Variants in OLFM3 observed in about 807,000 individuals in gnomAD.
The protein encoded by OLFM3 is olfactomedin 3, also known as noelin-3.
OLFM3 carries 20 observed loss-of-function variants against 48.6 expected under a neutral mutation model. That is an observed-to-expected ratio of 0.41 (90% CI 0.29 to 0.60). OLFM3 has a LOEUF of 0.60. Among genes scored for constraint, OLFM3 ranks in the 20% least tolerant of loss-of-function variants. The pLI, the probability that OLFM3 is intolerant of heterozygous loss-of-function variation, is 0.28. For missense variants in OLFM3, 437 were observed against 544.3 expected (o/e 0.80, Z 1.96); for synonymous variants, 222 against 198.1 (o/e 1.12, Z -1.01).
chr1:101,937,766 T>C (rs1266433873), intron 1 of OLFM3, among the ~76,000 whole-genome samples: 1 of 152,230 alleles, frequency 6.6e-6, no homozygotes, highest in African/African-American at 2.4e-5. Flanking sequence ...TTACATTTTC[T>C]TCATATCTCA....
rs554357629 is a variant in OLFM3, at chr1:101,985,486, G to T, written c.69+11262C>A. On this transcript the variant is annotated intron_variant, in intron 1 of 5. Coordinates refer to ENST00000370103, the MANE Select transcript of OLFM3 (RefSeq NM_058170.4). ...AAGAAACTTTCTCATAATTATTTCT[G>T]ATTAAAAGTAAACCCAATTTCTTGA... Among the ~76,000 whole-genome samples, 4 of 152,248 alleles carry T rather than the reference G, an allele frequency of 2.6e-5. No homozygotes were observed. The Middle Eastern group carries it at 0.01, about 388-fold the overall frequency.
At chr1:101,886,282 A>G (rs1657756994) in intron 1 of OLFM3, among the ~76,000 whole-genome samples, 1 of 151,984 alleles carries the variant, frequency 6.6e-6, no homozygotes, top group African/African-American at 2.4e-5. Context: ...AAAAAATAAT[A>G]GAAAAGTGGA....
At chr1:101,942,882 T>A (rs1417181180) in intron 1 of OLFM3, among the ~76,000 whole-genome samples, 1 of 152,188 alleles carries the variant, frequency 6.6e-6, no homozygotes, top group Admixed American at 6.6e-5. Context: ...TAGATCATAA[T>A]TTTTTCTTTG....
intron 1 of OLFM3, among the ~76,000 whole-genome samples, chr1:101,933,201 C>CAAAAAAAAAAA (rs761881274): frequency 7.0e-4 from 28 of 40,114 alleles, no homozygotes; most frequent in Non-Finnish European, 1.1e-3. Flanking sequence ...GACTCCATCT[C>CAAAAAAAAAAA]AAAAAAAAAA....
At chr1:101,811,219 G>A (rs77546134) in intron 4 of OLFM3, among the ~76,000 whole-genome samples, 2,715 of 151,980 alleles carry the variant, frequency 0.018, 40 homozygotes, top group Non-Finnish European at 0.025. Context: ...ATTACCAAGC[G>A]GAAACACAAT....
chr1:101,919,960 T>C (rs1365475748), intron 1 of OLFM3, among the ~76,000 whole-genome samples: 5 of 152,218 alleles, frequency 3.3e-5, no homozygotes, highest in East Asian at 1.9e-4. Flanking sequence ...TTCTGGCAGA[T>C]GTTCAGGCCT....
At chr1:101,980,047 G>A (rs1219239741) in intron 1 of OLFM3, among the ~76,000 whole-genome samples, 1 of 152,136 alleles carries the variant, frequency 6.6e-6, no homozygotes, top group Non-Finnish European at 1.5e-5. Context: ...AGGGCCTGTA[G>A]GCCCATTGTT....
At chr1:101,957,097 T>C (rs893768679) in intron 1 of OLFM3, among the ~76,000 whole-genome samples, 1 of 151,954 alleles carries the variant, frequency 6.6e-6, no homozygotes, top group Non-Finnish European at 1.5e-5. Context: ...TCAATCTTTC[T>C]TTTAGTTCCA....
chr1:101,844,151 C>A (rs186522651), intron 1 of OLFM3, among the ~76,000 whole-genome samples: 2 of 152,286 alleles, frequency 1.3e-5, no homozygotes, highest in East Asian at 3.9e-4. Flanking sequence ...GAAGAATCCC[C>A]TAAGCAAAAG....
At chr1:101,983,330 C>T (rs1360983838) in intron 1 of OLFM3, among the ~76,000 whole-genome samples, 1 of 152,078 alleles carries the variant, frequency 6.6e-6, no homozygotes, top group Non-Finnish European at 1.5e-5. Flanking sequence ...GATTCCTGTC[C>T]CCAGGGAACT....
intron 3 of OLFM3, among the ~76,000 whole-genome samples, chr1:101,828,763 T>A (rs970549184): frequency 6.6e-6 from 1 of 152,262 alleles, no homozygotes; most frequent in Admixed American, 6.5e-5. Flanking sequence ...TGAACTCCTC[T>A]CCTCCTGACT....
intron 1 of OLFM3, among the ~76,000 whole-genome samples, chr1:101,967,414 T>C (rs984454587): frequency 3.3e-5 from 5 of 151,512 alleles, no homozygotes; most frequent in Non-Finnish European, 7.4e-5. Context: ...AAAAGTAACA[T>C]AAAAAACAAT....
intron 1 of OLFM3, among the ~76,000 whole-genome samples, chr1:101,888,762 G>A (rs1407211141): frequency 2.0e-5 from 3 of 152,080 alleles, no homozygotes; most frequent in African/African-American, 4.8e-5. Context: ...CTGACAAAGG[G>A]CTAATATCCA....
intron 1 of OLFM3, among the ~76,000 whole-genome samples, chr1:101,913,655 A>ATCAAACCTTAATCCTAAATTTTAG (rs1557728224): frequency 1.3e-5 from 2 of 150,660 alleles, no homozygotes; most frequent in Admixed American, 6.6e-5. Context: ...CCAGAGGCTG[A>ATCAAACCTTAATCCTAAATTTTAG]GTTCAAACCT....
At chr1:101,945,477 G>A (rs1288415112) in intron 1 of OLFM3, among the ~76,000 whole-genome samples, 2 of 152,052 alleles carry the variant, frequency 1.3e-5, no homozygotes, top group Non-Finnish European at 2.9e-5. Flanking sequence ...GCAGGAAGCA[G>A]GTCAGTGGTT....
chr1:101,971,623 A>T (rs940009973), intron 1 of OLFM3, among the ~76,000 whole-genome samples: 2 of 152,200 alleles, frequency 1.3e-5, no homozygotes, highest in African/African-American at 4.8e-5. Context: ...AATTGGGTAT[A>T]TGGTATTGTT....
At chr1:101,942,211 A>T (rs1391872589) in intron 1 of OLFM3, among the ~76,000 whole-genome samples, 1 of 152,208 alleles carries the variant, frequency 6.6e-6, no homozygotes, top group Non-Finnish European at 1.5e-5. Flanking sequence ...ATATACACAT[A>T]TACAAAATTC....
chr1:101,975,503 C>T (rs1005146772), intron 1 of OLFM3, among the ~76,000 whole-genome samples: 1 of 150,936 alleles, frequency 6.6e-6, no homozygotes, highest in African/African-American at 2.4e-5. Flanking sequence ...TGGCTGTATT[C>T]TTTTAAAGGA....
chr1:101,926,472 C>A (rs77511834), intron 1 of OLFM3, among the ~76,000 whole-genome samples: 1 of 152,138 alleles, frequency 6.6e-6, no homozygotes, highest in Non-Finnish European at 1.5e-5. Flanking sequence ...CAAGAAGAAC[C>A]CTGTTTTAAG....
Sources: allele counts gnomAD v4.1 joint callset (sites outside exome capture counted in the v4.1 genomes callset), GRCh38; gene constraint gnomAD v4.1.1; transcripts MANE v1.5; gene names NCBI Gene and HGNC (gene_info 2026-07-23, HGNC 2026-07-21).